Variants in PLEC observed in about 807,000 individuals in gnomAD.
The protein encoded by PLEC is hemidesmosomal protein 1.
Under a neutral mutation model 392.8 loss-of-function variants are expected in PLEC, and 216 were observed. The observed-to-expected ratio is 0.55, with a 90% CI of 0.49 to 0.62. The LOEUF is 0.62. Ranked by LOEUF, PLEC falls within the 20% of genes least tolerant of loss-of-function variation. The pLI, the probability that PLEC is intolerant of heterozygous loss-of-function variation, is 0.00. For missense variants in PLEC, 6,863 were observed against 6,563.4 expected, an observed-to-expected ratio of 1.05 and a Z score of -1.58; for synonymous variants, 3,621 against 2,980.6, an observed-to-expected ratio of 1.21 and a Z score of -7.00.
At position 143,924,974 on chromosome 8, in the gene PLEC, G is replaced by A. The variant is rs781785895; in HGVS notation, c.4955C>T (p.Ala1652Val). Residue 1652 changes from alanine to valine, a missense_variant, in exon 31 of 32, where the codon GCG (alanine) becomes GTG (valine). Ala to Val is a moderately conservative substitution (Grantham distance 64). Coordinates refer to ENST00000345136, the MANE Select transcript of PLEC (RefSeq NM_201384.3). Reference protein sequence around the residue: ...LRLRLQAEEVAQQKSLAQAEA... With the variant: ...LRLRLQAEEVVQQKSLAQAEA... Reference sequence around the variant, plus strand: ...GGCCTGCGCCAGGCTCTTCTGCTGCGCCACCTCCTCCGCCTGCAGCCGCAG... The same window carrying A: ...GGCCTGCGCCAGGCTCTTCTGCTGCACCACCTCCTCCGCCTGCAGCCGCAG... 8.7e-5 allele frequency: 138 copies of A among 1,578,464 alleles called. No individual in the cohort carries two copies. The highest frequency in any genetic ancestry group is 1.1e-4 in the Non-Finnish European group (125 of 1,170,666).
rs35027700 is a variant in PLEC at position 143,920,748 on chromosome 8, C to T, written c.9073G>A (p.Val3025Ile). 0.014 allele frequency: 23,119 copies of T among 1,605,206 alleles called. 2,490 individuals are homozygous for T. In the African/African-American group the frequency reaches 0.25, roughly 17 times the overall value. The change falls in exon 32 of 32, where the codon GTC becomes ATC. Residue 3025 changes from valine (V) to isoleucine (I), a missense_variant. Val to Ile is a conservative substitution (Grantham distance 29). Transcript: ENST00000345136. ...TVRRALRGAN[V>I]IAGVWLEEAG... is the part of the protein sequence containing the mutation. The stretch of plus-strand genomic sequence containing the variant: ...TCCTCCAGCCATACACCCGCGATGA[C>T]GTTGGCACCCCGGAGAGCCCGCCGC...
At chr8:143,949,451 A>G (rs1259491311) in intron 1 of PLEC, among the ~76,000 whole-genome samples, 1 of 152,190 alleles carries the variant, frequency 6.6e-6, no homozygotes, top group Non-Finnish European at 1.5e-5. Context: ...GGGAGGCCAC[A>G]GAGAAGGGGC....
chr8:143,927,135 C>T, intron 28 of PLEC, 54 bp from the exon 29 acceptor site: 2 of 1,564,140 alleles, frequency 1.3e-6, no homozygotes, highest in Non-Finnish European at 1.8e-6. Flanking sequence ...TGGCCCCTGC[C>T]CAGCCCCTAA....
rs1554703722 is a variant in PLEC at position 143,925,703 on chromosome 8, A to G, written c.4226T>C (p.Val1409Ala). 3 of 1,586,540 alleles carry G rather than the reference A, an allele frequency of 1.9e-6. No individual in the cohort carries two copies. Among genetic ancestry groups the G allele is most frequent in the Non-Finnish European group, 2.6e-6 (3 of 1,174,420 alleles). Residue 1409 changes from valine (V) to alanine (A), a missense_variant, in exon 31 of 32, where the codon GTG becomes GCG. Physicochemically the swap from Val to Ala is moderately conservative, Grantham distance 64. Coordinates refer to ENST00000345136, the MANE Select transcript of PLEC (RefSeq NM_201384.3). Reference protein sequence around the residue: ...EEVVRREEAAVDAQQQKRSIQ... With the variant: ...EEVVRREEAAADAQQQKRSIQ... ...GCTGCGCTTCTGCTGCTGCGCGTCC[A>G]CCGCCGCCTCCTCCCGCCGCACCAC...
intron 1 of PLEC, among the ~76,000 whole-genome samples, chr8:143,968,137 C>CAA (rs797032322): frequency 2.8e-5 from 3 of 106,502 alleles, no homozygotes; most frequent in African/African-American, 6.6e-5. Flanking sequence ...GACTTCGTCT[C>CAA]AAAAAAAAAA....
rs1554703858 is a variant in PLEC, at chr8:143,925,730, T to A, written c.4199A>T (p.Glu1400Val). 2 of 1,595,392 alleles carry A rather than the reference T, an allele frequency of 1.3e-6. No homozygotes were observed. Among genetic ancestry groups the A allele is most frequent in the South Asian group, 1.1e-5 (1 of 90,716 alleles). Residue 1400 changes from glutamate to valine, a missense_variant, in exon 31 of 32, where the codon GAG (glutamate) becomes GTG (valine). Physicochemically the swap from Glu to Val is moderately radical, Grantham distance 121. Transcript: ENST00000345136. ...CGCCGCCTCCTCCCGCCGCACCACC[T>A]CCTCCTGCATGCGCTGCTGCAGCTC... ...AKELQQRMQE[E>V]VVRREEAAVD...
chr8:143,961,108 A>G (rs1832852239), intron 1 of PLEC, among the ~76,000 whole-genome samples: 1 of 152,256 alleles, frequency 6.6e-6, no homozygotes, highest in Non-Finnish European at 1.5e-5. Context: ...CCTGGTTCCC[A>G]CAGCTTCAGC....
chr8:143,916,384 G>A lies in PLEC; in HGVS notation c.13437C>T (p.Ser4479=), dbSNP rs782221357. Residue 4479 remains serine (S), a synonymous_variant, in exon 32 of 32, where the codon AGC becomes AGT. Transcript: ENST00000345136. ...CAGCGGTAGAGCCGGAGCCGCTGACGCTGTAGGGGCTGTAGTAGCCCTTGG... is the reference window on the plus strand; with the variant it reads ...CAGCGGTAGAGCCGGAGCCGCTGACACTGTAGGGGCTGTAGTAGCCCTTGG... ...QSTKGYYSPY[S]VSGSGSTAGS... is the part of the protein sequence containing the mutation. The A allele has an allele frequency of 1.9e-5, 31 of 1,610,638 alleles. No individual in the cohort carries two copies. Among genetic ancestry groups the A allele is most frequent in the African/African-American group, 5.3e-5 (4 of 74,880 alleles).
chr8:143,925,905 A>G (rs1554704565), intron 30 of PLEC, 21 bp from the exon 31 acceptor site: 1 of 1,536,598 alleles, frequency 6.5e-7, no homozygotes, highest in Non-Finnish European at 8.7e-7. Flanking sequence ...AGCAGAGAGA[A>G]GAAGAGAAGC....
rs782714791 is a variant in PLEC at position 143,932,987 on chromosome 8, G to A, written c.1543C>T (p.Pro515Ser). 1.9e-6 allele frequency: 3 copies of A among 1,610,806 alleles called. No homozygotes were observed. Among genetic ancestry groups the A allele is most frequent in the Non-Finnish European group, 2.5e-6 (3 of 1,179,344 alleles). The change falls in exon 14 of 32, where the codon CCC becomes TCC. Residue 515 changes from proline to serine, a missense_variant. Pro to Ser is a moderately conservative substitution (Grantham distance 74). Transcript: ENST00000345136. ...QVTLQSVQRR[P>S]ELEDSTLRYL... ...CGCAGAGTGGAGTCCTCCAGCTCGGGGCGCCTCTGCACACTCTGCAGAGTC... is the reference window on the plus strand; with the variant it reads ...CGCAGAGTGGAGTCCTCCAGCTCGGAGCGCCTCTGCACACTCTGCAGAGTC...
Position 143,918,139 on chromosome 8 carries a change from C to T in PLEC, c.11682G>A (p.Met3894Ile). The change falls in exon 32 of 32, where the codon ATG (methionine) becomes ATA (isoleucine). Residue 3894 changes from methionine (M) to isoleucine (I), a missense_variant. By Grantham distance (10) the Met-to-Ile change is conservative. Coordinates refer to ENST00000345136, the MANE Select transcript of PLEC (RefSeq NM_201384.3). ...TGACCTGCGAGCGCACCAGCTCCTC[C>T]ATGGTGATCTGCTTCCGCAGGCCAC... is the stretch of plus-strand genomic sequence containing the variant. The part of the protein sequence containing the change: ...TFRGLRKQIT[M>I]EELVRSQVMD... 1.3e-6 allele frequency: 2 copies of T among 1,599,476 alleles called. No homozygotes were observed. The highest frequency in any genetic ancestry group is 1.7e-4 in the Middle Eastern group (1 of 6,040).
chr8:143,956,919 G>A (rs1031293862), upstream of PLEC, among the ~76,000 whole-genome samples: 4 of 152,232 alleles, frequency 2.6e-5, no homozygotes, highest in African/African-American at 7.2e-5. Flanking sequence ...GTTCCTTCCC[G>A]GCACAGGCTT....
chr8:143,958,801 C>A, upstream of PLEC: 1 of 311,474 alleles, frequency 3.2e-6, no homozygotes, highest in Non-Finnish European at 6.8e-6. This position sits in a 1 kb window ranked among gnomAD's most constrained non-coding sequence, Gnocchi z 4.9. Context: ...AACACCGAGA[C>A]ACCTGTGGGC....
At chr8:143,942,621 C>T, upstream of PLEC, 1 of 1,335,302 alleles carries the variant, frequency 7.5e-7, no homozygotes, top group Non-Finnish European at 9.9e-7. Flanking sequence ...CGGCTTCGCT[C>T]TCCACCTCTT....
upstream of PLEC, chr8:143,939,676 G>T (rs1401394043): frequency 7.2e-7 from 1 of 1,389,696 alleles, no homozygotes; most frequent in Non-Finnish European, 9.3e-7. Flanking sequence ...TGCCCAGGCC[G>T]CCGCCAGGGA....
chr8:143,953,832 A>C, upstream of PLEC: 1 of 1,605,638 alleles, frequency 6.2e-7, no homozygotes, highest in Non-Finnish European at 8.5e-7. Flanking sequence ...CCCGCACCGC[A>C]CTGCCCAGGC....
upstream of PLEC, among the ~76,000 whole-genome samples, chr8:143,942,945 G>A (rs1287108436): frequency 2.0e-5 from 3 of 152,178 alleles, no homozygotes; most frequent in African/African-American, 7.2e-5. Flanking sequence ...AGCCAGGACC[G>A]TGGCCGAAGG....
At chr8:143,952,154 C>T (rs916516573), upstream of PLEC, among the ~76,000 whole-genome samples, 1 of 151,996 alleles carries the variant, frequency 6.6e-6, no homozygotes, top group African/African-American at 2.4e-5. Context: ...ATGGGGCCGT[C>T]GCCATGGCGC....
chr8:143,924,760 C>T lies in PLEC; in HGVS notation c.5169G>A (p.Glu1723=), dbSNP rs1244888941. 1.0e-5 allele frequency: 16 copies of T among 1,535,272 alleles called. No individual in the cohort carries two copies. Among genetic ancestry groups the T allele is most frequent in the Non-Finnish European group, 1.4e-5 (16 of 1,146,468 alleles). Residue 1723 remains glutamate (E), a synonymous_variant, in exon 31 of 32, where the codon GAG becomes GAA. Coordinates refer to ENST00000345136, the MANE Select transcript of PLEC (RefSeq NM_201384.3). ...QELIRLRAET[E]QGEQQRQLLE... Reference sequence around the variant, plus strand: ...GCAGCTGCCGCTGCTGCTCCCCCTGCTCCGTCTCGGCCCGCAGCCGGATCA... The same window carrying T: ...GCAGCTGCCGCTGCTGCTCCCCCTGTTCCGTCTCGGCCCGCAGCCGGATCA...
Sources: gnomAD v4.1 joint callset for allele counts (sites outside exome capture counted in the v4.1 genomes callset) on GRCh38, gnomAD v4.1.1 for gene constraint, Gnocchi (gnomAD v3.1) non-coding constraint, MANE v1.5 for transcripts, NCBI Gene and HGNC (gene_info 2026-07-23, HGNC 2026-07-21) for gene names.